The following OAS3 variants were observed in gnomAD, a reference collection of about 807,000 sequenced individuals.
OAS3 encodes the protein 2'-5'-oligoadenylate synthetase 3.
A neutral mutation model predicts 113.0 loss-of-function variants in OAS3; 107 were observed. That is an observed-to-expected ratio of 0.95 (90% CI 0.81 to 1.11). The LOEUF (loss-of-function observed/expected upper bound fraction) is 1.11, where lower values mean the gene tolerates loss of function less well. Among genes scored for constraint, OAS3 ranks in the 50% most tolerant of loss-of-function variants. The probability of loss-of-function intolerance (pLI) is 0.00; values close to 1 mark genes in which losing one functional copy is unlikely to be tolerated. For synonymous variants in OAS3, 552 were observed against 573.6 expected (o/e 0.96, Z 0.54); for missense variants, 1,258 against 1,389.1 (o/e 0.91, Z 1.50).
intron 2 of OAS3, among the ~76,000 whole-genome samples, chr12:112,942,517 G>C (rs1422626835): frequency 6.6e-6 from 1 of 151,910 alleles, no homozygotes; most frequent in African/African-American, 2.4e-5. Context: ...GATCAGCCTT[G>C]GCAAAATAGC....
chr12:112,938,558 G>GCGC lies in OAS3; in HGVS notation c.29_31dup (p.Ala10_Leu11insPro). ...GGACTTGTACAGCACCCCGGCCGCTGCGCTGGACAGGTTCGTGGCCAGAAG... is the reference window on the plus strand; with the variant it reads ...GGACTTGTACAGCACCCCGGCCGCTGCGCCGCTGGACAGGTTCGTGGCCAGAAG... On this transcript the variant is annotated inframe_insertion, in exon 1 of 16. Transcript: ENST00000228928. The GCGC allele has an allele frequency of 1.9e-6, 3 of 1,609,728 alleles. No individual in the cohort carries two copies. The highest frequency in any genetic ancestry group is 2.5e-6 in the Non-Finnish European group (3 of 1,178,642).
At chr12:112,940,041 G>T (rs1421738191) in intron 1 of OAS3, among the ~76,000 whole-genome samples, 1 of 152,178 alleles carries the variant, frequency 6.6e-6, no homozygotes, top group Non-Finnish European at 1.5e-5. Flanking sequence ...CCCTGGAAAG[G>T]GGTGGGAGGG....
In OAS3 at chr12:112,970,102, G is replaced by T. The variant is rs910364537; in HGVS notation, c.*129G>T. 1 of 1,053,952 alleles carries T rather than the reference G, an allele frequency of 9.5e-7. No homozygotes were observed. The highest frequency in any genetic ancestry group is 1.6e-5 in the African/African-American group (1 of 63,206). The allele number at this position is 1,053,952 out of a possible 1,614,324, so 65.3% of individuals were successfully genotyped here. A position where few individuals can be genotyped will look rare whatever the true frequency, so the allele number is the denominator to read the frequency against. Reference sequence around the variant, plus strand: ...TGTGTGTGTGAGCACATGTGTGCATGTGTGTGCACACGTGTGCATGTGTGT... The same window carrying T: ...TGTGTGTGTGAGCACATGTGTGCATTTGTGTGCACACGTGTGCATGTGTGT... On this transcript the variant is annotated 3_prime_UTR_variant, in exon 16 of 16. Coordinates refer to ENST00000228928, the MANE Select transcript of OAS3 (RefSeq NM_006187.4).
Position 112,961,154 on chromosome 12 carries a change from G to A in OAS3, c.1741G>A (p.Ala581Thr). ...TGGCTGCCAGGAGGGCGAGCATAAG[G>A]CCTGCTTCGCAGAGCTGCGGAGGAA... ...TSGCQEGEHK[A>T]CFAELRRNFM... The change falls in exon 8 of 16, where the codon GCC becomes ACC. Residue 581 changes from alanine (A) to threonine (T), a missense_variant. Coordinates refer to ENST00000228928, the MANE Select transcript of OAS3 (RefSeq NM_006187.4). 3.1e-6 allele frequency: 5 copies of A among 1,613,340 alleles called. No individual in the cohort carries two copies. The highest frequency in any genetic ancestry group is 4.2e-6 in the Non-Finnish European group (5 of 1,179,898).
intron 7 of OAS3, among the ~76,000 whole-genome samples, chr12:112,959,396 T>C (rs558449143): frequency 1.1e-4 from 17 of 152,182 alleles, no homozygotes; most frequent in African/African-American, 3.1e-4. Context: ...AGTACCTCAG[T>C]TGGAAATGCA....
In OAS3 at chr12:112,971,227, G is replaced by A. The variant is rs2043981318; in HGVS notation, c.*1254G>A. 6.5e-6 allele frequency: 1 copy of A among 152,672 alleles called. No homozygotes were observed. The highest frequency in any genetic ancestry group is 2.3e-3 in the Middle Eastern group (1 of 428). The allele number at this position is 152,672 out of a possible 1,614,324, so 9.5% of individuals were successfully genotyped here. On this transcript the variant is annotated 3_prime_UTR_variant, in exon 16 of 16. Transcript: ENST00000228928. The stretch of plus-strand genomic sequence containing the variant: ...TTAGACCACTGTAGCCGAATCAGAG[G>A]CCAGAGAGCAGCCACTGCTACTGCT...
chr12:112,954,887 A>G lies in OAS3; in HGVS notation c.1657+3912A>G, dbSNP rs2136352890. Among the ~76,000 whole-genome samples the G allele has an allele frequency of 6.6e-6, 1 of 152,338 alleles. No homozygotes were observed. Among genetic ancestry groups the G allele is most frequent in the Non-Finnish European group, 1.5e-5 (1 of 68,028 alleles). On this transcript the variant is annotated intron_variant, in intron 7 of 15. Transcript: ENST00000228928. The surrounding 1 kb of genome is among the most constrained non-coding windows in gnomAD (Gnocchi z 4.0). The stretch of plus-strand genomic sequence containing the variant: ...TCATTGGTAGCTTGTTGGGGATGGC[A>G]TTGAATCTATAAATTACCTTGGGCA...
chr12:112,969,831 C>A, intron 15 of OAS3, 76 bp downstream of exon 15: 1 of 1,594,126 alleles, frequency 6.3e-7, no homozygotes, highest in Admixed American at 1.7e-5. Context: ...GGACATGATT[C>A]CCACTAAAGG....
intron 10 of OAS3, 110 bp from the exon 11 acceptor site, chr12:112,964,125 G>A (rs765455758): frequency 1.8e-6 from 2 of 1,129,948 alleles, no homozygotes; most frequent in Non-Finnish European, 2.5e-6. Context: ...AAGGAAAGAG[G>A]GACATGGGAG....
intron 1 of OAS3, among the ~76,000 whole-genome samples, chr12:112,941,305 G>A (rs925452304): frequency 5.3e-5 from 8 of 152,174 alleles, no homozygotes; most frequent in East Asian, 1.9e-4. Context: ...GTTCAAGGCC[G>A]CAGTGAGCTA....
chr12:112,954,455 T>TA lies in OAS3; in HGVS notation c.1657+3482dup, dbSNP rs1205872508. 6.6e-6 allele frequency among the ~76,000 whole-genome samples: 1 copy of TA among 152,156 alleles called. No homozygotes were observed. Among genetic ancestry groups the TA allele is most frequent in the African/African-American group, 2.4e-5 (1 of 41,438 alleles). The stretch of plus-strand genomic sequence containing the variant: ...ACAGGTGCCCGCCACCACATCTGGC[T>TA]AATTTTTTTGTATTTTTTAGTAGAG... On this transcript the variant is annotated intron_variant, in intron 7 of 15. Coordinates refer to ENST00000228928, the MANE Select transcript of OAS3 (RefSeq NM_006187.4). The surrounding 1 kb of genome is among the most constrained non-coding windows in gnomAD (Gnocchi z 4.0).
intron 7 of OAS3, 58 bp from the exon 8 acceptor site, chr12:112,961,013 G>A (rs2043877977): frequency 3.2e-6 from 5 of 1,551,490 alleles, no homozygotes; most frequent in Non-Finnish European, 4.4e-6. Flanking sequence ...GGATGGGTTG[G>A]TAAATGCTGC....
At chr12:112,947,061 T>A (rs1231797912) in intron 4 of OAS3, 80 bp downstream of exon 4, 1 of 1,195,466 alleles carries the variant, frequency 8.4e-7, no homozygotes, top group Non-Finnish European at 1.2e-6. Context: ...ACCGGTTACA[T>A]CTACTGAGTG....
chr12:112,965,865 A>C lies in OAS3; in HGVS notation c.2525A>C (p.Glu842Ala). ...AACAAGCGGGCCGAGATCATCTCCG[A>C]GATCCGAGCCCAGCTGGAGGCATGT... ...QGNKRAEIIS[E>A]IRAQLEACQQ... Residue 842 changes from glutamate (E) to alanine (A), a missense_variant, in exon 12 of 16, where the codon GAG (glutamate) becomes GCG (alanine). Physicochemically the swap from Glu to Ala is moderately radical, Grantham distance 107. Coordinates refer to ENST00000228928, the MANE Select transcript of OAS3 (RefSeq NM_006187.4). The C allele has an allele frequency of 6.2e-7, 1 of 1,613,786 alleles. No homozygotes were observed. The highest frequency in any genetic ancestry group is 8.5e-7 in the Non-Finnish European group (1 of 1,179,814).
chr12:112,944,702 CT>C (rs780624242), intron 3 of OAS3, 51 bp downstream of exon 3: 10 of 1,588,298 alleles, frequency 6.3e-6, no homozygotes, highest in East Asian at 4.5e-5. Flanking sequence ...TTGCTTTGTG[CT>C]TTCATAGTCG....
chr12:112,942,190 G>A, intron 2 of OAS3: 1 of 516,066 alleles, frequency 1.9e-6, no homozygotes, highest in Non-Finnish European at 3.4e-6. Flanking sequence ...GCTAGCAGTA[G>A]GGGCCTGGGG....
At position 112,968,061 on chromosome 12, in the gene OAS3, G is replaced by A. The variant is rs375400843; in HGVS notation, c.2991G>A (p.Thr997=). ...SQFNMAEGFR[T]VLELVTQYRQ... ...TCAACATGGCTGAGGGCTTCCGCAC[G>A]GTCCTGGAGCTGGTCACCCAGTACC... The change falls in exon 14 of 16, where the codon ACG becomes ACA. Residue 997 remains threonine (T), a synonymous_variant. Transcript: ENST00000228928. 200 of 1,614,008 alleles carry A rather than the reference G, an allele frequency of 1.2e-4. No individual in the cohort carries two copies. In the African/African-American group the frequency reaches 2.4e-3, roughly 20 times the overall value.
chr12:112,965,997 A>G lies in OAS3; in HGVS notation c.2657A>G (p.Asp886Gly), dbSNP rs1171671118. ...TSQTMLDQSV[D>G]FDVLPAFDAL... ...CAGACGATGCTGGACCAGAGTGTGG[A>G]CTTTGATGTGCTGCCAGCCTTTGAC... The change falls in exon 12 of 16, where the codon GAC becomes GGC. Residue 886 changes from aspartate to glycine, a missense_variant. By Grantham distance (94) the Asp-to-Gly change is moderately conservative. Transcript: ENST00000228928. 2 of 1,613,992 alleles carry G rather than the reference A, an allele frequency of 1.2e-6. No individual in the cohort carries two copies. The highest frequency in any genetic ancestry group is 1.1e-5 in the South Asian group (1 of 91,084).
intron 1 of OAS3, among the ~76,000 whole-genome samples, chr12:112,939,352 C>A (rs543268246): frequency 7.8e-6 from 1 of 128,804 alleles, no homozygotes; most frequent in African/African-American, 2.8e-5. Context: ...CAGGGTCTCG[C>A]TCTGTCACCC....
Sources: allele counts gnomAD v4.1 joint callset (sites outside exome capture counted in the v4.1 genomes callset), GRCh38; gene constraint gnomAD v4.1.1; non-coding constraint Gnocchi (gnomAD v3.1); transcripts MANE v1.5; gene names NCBI Gene and HGNC (gene_info 2026-07-23, HGNC 2026-07-21).